Variants in PCDHGA9 observed in about 807,000 individuals in gnomAD.
PCDHGA9 encodes protocadherin gamma-A9.
PCDHGA9 carries 37 observed loss-of-function variants against 62.5 expected under a neutral mutation model. The ratio of observed to expected loss-of-function variants is 0.59; its 90% CI spans 0.46 to 0.78. The LOEUF (loss-of-function observed/expected upper bound fraction) is 0.78, where lower values mean the gene tolerates loss of function less well. Ranked by LOEUF, PCDHGA9 falls within the 30% of genes least tolerant of loss-of-function variation. The pLI is 0.00. For synonymous variants in PCDHGA9, 459 were observed against 484.6 expected, an observed-to-expected ratio of 0.95 and a Z score of 0.69; for missense variants, 1,138 against 1,166.2, an observed-to-expected ratio of 0.98 and a Z score of 0.35.
At chr5:141,418,065 G>T in intron 1 of PCDHGA9, 1 of 1,614,064 alleles carries the variant, frequency 6.2e-7, no homozygotes, top group East Asian at 2.2e-5. Context: ...CTGCGAGTGA[G>T]CGCGGAGAAG....
chr5:141,419,869 G>A, intron 1 of PCDHGA9: 3 of 1,614,072 alleles, frequency 1.9e-6, no homozygotes, highest in South Asian at 1.1e-5. Flanking sequence ...GCTTGCAAGA[G>A]GTACTGCCGG....
rs1561863583 is a variant in PCDHGA9, at chr5:141,432,685, C to A, written c.2424+27309C>A. Reference sequence around the variant, plus strand: ...ACAGAGACGCGCTCAAGCAGAGCCTCGTAGTGGCCGTCCAGGACCACGGCC... The same window carrying A: ...ACAGAGACGCGCTCAAGCAGAGCCTAGTAGTGGCCGTCCAGGACCACGGCC... On this transcript the variant is annotated intron_variant, in intron 1 of 3. Transcript: ENST00000573521. The surrounding 1 kb of genome is among the most constrained non-coding windows in gnomAD (Gnocchi z 6.0). 3.7e-6 allele frequency: 6 copies of A among 1,613,932 alleles called. No individual in the cohort carries two copies. Among genetic ancestry groups the A allele is most frequent in the Non-Finnish European group, 5.1e-6 (6 of 1,179,966 alleles).
chr5:141,427,034 A>G (rs762633589), intron 1 of PCDHGA9: 7 of 457,110 alleles, frequency 1.5e-5, no homozygotes, highest in Non-Finnish European at 2.6e-5. Flanking sequence ...TCAGCCTTAG[A>G]GAGAATGTGC....
intron 1 of PCDHGA9, among the ~76,000 whole-genome samples, chr5:141,438,609 T>TATAC (rs2098013849): frequency 2.4e-5 from 1 of 41,118 alleles, no homozygotes; most frequent in Non-Finnish European, 3.9e-5. Context: ...TATATATATA[T>TATAC]ATATATATAT....
At chr5:141,417,950 GAGCCGATCCGCT>G (rs1361985861) in intron 1 of PCDHGA9, 1 of 1,613,484 alleles carries the variant, frequency 6.2e-7, no homozygotes, top group African/African-American at 1.3e-5. Context: ...CACGCTGTGT[GAGCCGATCCGCT>G]ACTCGATTCC....
At chr5:141,409,059 A>G (rs2095217608) in intron 1 of PCDHGA9, 2 of 1,614,050 alleles carry the variant, frequency 1.2e-6, no homozygotes, top group Non-Finnish European at 1.7e-6. Context: ...AGCACTGCCC[A>G]GAGCACAAAA....
chr5:141,478,026 C>T (rs1192406949), intron 1 of PCDHGA9: 2 of 1,614,062 alleles, frequency 1.2e-6, no homozygotes, highest in East Asian at 2.2e-5. Flanking sequence ...GTCCAAGACA[C>T]AGATTCACCC....
chr5:141,413,804 C>A, intron 1 of PCDHGA9: 7 of 1,613,194 alleles, frequency 4.3e-6, no homozygotes, highest in Non-Finnish European at 5.9e-6. Context: ...GAGGAAGAGG[C>A]CATTCACCAC....
intron 1 of PCDHGA9, chr5:141,415,797 C>G (rs940812419): frequency 3.9e-5 from 52 of 1,331,434 alleles, no homozygotes; most frequent in Non-Finnish European, 4.8e-5. Context: ...TTCACCTAGT[C>G]TCAATCAAGG....
Position 141,493,360 on chromosome 5 carries a change from G to T in PCDHGA9, c.2425-1447G>T, listed in dbSNP as rs1364095483. Reference sequence around the variant, plus strand: ...CAGAATGTGTGCTTTTAATTTCTTGGCACTTGGAACTTTAAAAGCTTGAGG... The same window carrying T: ...CAGAATGTGTGCTTTTAATTTCTTGTCACTTGGAACTTTAAAAGCTTGAGG... On this transcript the variant is annotated intron_variant, in intron 1 of 3. Transcript: ENST00000573521. This position sits in a 1 kb window ranked among gnomAD's most constrained non-coding sequence, Gnocchi z 4.3. Among the ~76,000 whole-genome samples the T allele has an allele frequency of 6.6e-6, 1 of 152,144 alleles. No individual in the cohort carries two copies. The highest frequency in any genetic ancestry group is 1.5e-5 in the Non-Finnish European group (1 of 68,022).
At chr5:141,428,362 G>T (rs868168419) in intron 1 of PCDHGA9, 2 of 556,756 alleles carry the variant, frequency 3.6e-6, no homozygotes, top group Non-Finnish European at 6.6e-6. Context: ...TTTGGCGGTC[G>T]CCTTGCACCT....
At chr5:141,507,283 G>T (rs917383969) in intron 3 of PCDHGA9, 2 of 150,498 alleles carry the variant, frequency 1.3e-5, no homozygotes, top group Non-Finnish European at 2.9e-5. Context: ...GCATAAGTCA[G>T]TCTCAAATGT....
chr5:141,505,249 G>T, intron 2 of PCDHGA9, 144 bp from the exon 3 acceptor site: 1 of 1,447,748 alleles, frequency 6.9e-7, no homozygotes, highest in Non-Finnish European at 9.2e-7. Flanking sequence ...GATTGTAGAA[G>T]TGCCTCCTAC....
At position 141,491,651 on chromosome 5, in the gene PCDHGA9, A is replaced by G. The variant is rs1379494110; in HGVS notation, c.2425-3156A>G. 1.9e-6 allele frequency: 3 copies of G among 1,613,796 alleles called. 1 individual carries two copies. ...CAGCAGCCCACAGCTCTGGCGCTGGAGCCTGACGCCATCCGGTCCCGCTCT... is the reference window on the plus strand; with the variant it reads ...CAGCAGCCCACAGCTCTGGCGCTGGGGCCTGACGCCATCCGGTCCCGCTCT... On this transcript the variant is annotated intron_variant, in intron 1 of 3. Coordinates refer to ENST00000573521, the MANE Select transcript of PCDHGA9 (RefSeq NM_018921.3). The surrounding 1 kb of genome is among the most constrained non-coding windows in gnomAD (Gnocchi z 6.9).
chr5:141,413,639 GT>G, intron 1 of PCDHGA9: 1 of 1,613,854 alleles, frequency 6.2e-7, no homozygotes, highest in South Asian at 1.1e-5. Context: ...GCGGGAATGC[GT>G]TTTCCTCTCC....
Position 141,505,463 on chromosome 5 carries a change from A to G in PCDHGA9, c.2554A>G (p.Ile852Val). 1 of 1,614,184 alleles carries G rather than the reference A, an allele frequency of 6.2e-7. No homozygotes were observed. Among genetic ancestry groups the G allele is most frequent in the East Asian group, 2.2e-5 (1 of 44,876 alleles). Residue 852 changes from isoleucine to valine, a missense_variant, in exon 3 of 4, where the codon ATC (isoleucine) becomes GTC (valine). Ile to Val is a conservative substitution (Grantham distance 29). Transcript: ENST00000573521. Reference protein sequence around the residue: ...QFDTEMLQAMILASASEAADG... With the variant: ...QFDTEMLQAMVLASASEAADG... ...TGACACAGAGATGCTGCAAGCCATG[A>G]TCTTGGCGTCCGCCAGTGGTAAGTG...
At chr5:141,418,455 C>G (rs1287627325) in intron 1 of PCDHGA9, 3 of 1,613,990 alleles carry the variant, frequency 1.9e-6, no homozygotes, top group Non-Finnish European at 2.5e-6. Flanking sequence ...TTGCAGAAGA[C>G]TCTGGACCGA....
At chr5:141,408,401 C>T in intron 1 of PCDHGA9, 2 of 1,614,010 alleles carry the variant, frequency 1.2e-6, no homozygotes, top group Non-Finnish European at 8.5e-7. Context: ...TCGCAAGCTG[C>T]GAGTGAGCGC....
intron 1 of PCDHGA9, among the ~76,000 whole-genome samples, chr5:141,439,380 G>C (rs1324859898): frequency 6.6e-6 from 1 of 152,158 alleles, no homozygotes; most frequent in East Asian, 1.9e-4. Flanking sequence ...ATAAAAATAA[G>C]TCATCACTTC....
Sources: gnomAD v4.1 joint callset for allele counts (sites outside exome capture counted in the v4.1 genomes callset) on GRCh38, gnomAD v4.1.1 for gene constraint, Gnocchi (gnomAD v3.1) non-coding constraint, MANE v1.5 for transcripts, NCBI Gene and HGNC (gene_info 2026-07-23, HGNC 2026-07-21) for gene names.